Variants in COTL1 observed in about 807,000 individuals in gnomAD.
COTL1 encodes the protein coactosin-like protein.
A neutral mutation model predicts 16.5 loss-of-function variants in COTL1; 15 were observed. The observed-to-expected ratio is 0.91, with a 90% confidence interval of 0.61 to 1.40. COTL1 has a LOEUF of 1.40. Ranked by LOEUF, COTL1 falls within the 40% of genes most tolerant of loss-of-function variation. COTL1 has a pLI of 0.00. For missense variants in COTL1, 220 were observed against 201.5 expected (o/e 1.09, Z -0.56); for synonymous variants, 112 against 85.3 (o/e 1.31, Z -1.73).
At position 84,591,945 on chromosome 16, in the gene COTL1, AC is replaced by A. The variant is rs373369628; in HGVS notation, c.161-1684del. Reference sequence around the variant, plus strand: ...TGCGTGTGCATGCGGGTGCATGTGTACCCCACTAGGATAAACCAAAATTGTT... The same window carrying A: ...TGCGTGTGCATGCGGGTGCATGTGTACCCACTAGGATAAACCAAAATTGTT... On this transcript the variant is annotated intron_variant, in intron 2 of 3. Coordinates refer to ENST00000262428, the MANE Select transcript of COTL1 (RefSeq NM_021149.5). Among the ~76,000 whole-genome samples, 656 of 152,292 alleles carry A rather than the reference AC, an allele frequency of 4.3e-3. 3 individuals carry two copies. The highest frequency in any genetic ancestry group is 5.9e-3 in the Non-Finnish European group (404 of 68,008).
chr16:84,576,112 A>G (rs1013109098), intron 3 of COTL1: 2 of 152,240 alleles, frequency 1.3e-5, no homozygotes, highest in African/African-American at 4.8e-5. Flanking sequence ...AATTCCTTGG[A>G]ATAACCAAGT....
chr16:84,586,733 T>A (rs1239936604), intron 3 of COTL1, among the ~76,000 whole-genome samples: 1 of 152,076 alleles, frequency 6.6e-6, no homozygotes, highest in Non-Finnish European at 1.5e-5. Flanking sequence ...ACAGGCCACG[T>A]GCCACCATGC....
intron 2 of COTL1, among the ~76,000 whole-genome samples, chr16:84,604,867 A>C (rs542798641): frequency 6.6e-6 from 1 of 152,114 alleles, no homozygotes. Flanking sequence ...TGAACAATAC[A>C]CTCCATTTTA....
intron 3 of COTL1, among the ~76,000 whole-genome samples, chr16:84,584,522 T>A (rs1448076412): frequency 6.6e-6 from 1 of 152,104 alleles, no homozygotes; most frequent in Non-Finnish European, 1.5e-5. Context: ...AGTATGAGCT[T>A]TTTGAGGTCA....
At chr16:84,574,997 C>T (rs1457145686) in intron 3 of COTL1, among the ~76,000 whole-genome samples, 2 of 152,130 alleles carry the variant, frequency 1.3e-5, no homozygotes, top group Non-Finnish European at 2.9e-5. Flanking sequence ...TTTTAAAGTG[C>T]ATGTTCTCCT....
intron 3 of COTL1, among the ~76,000 whole-genome samples, chr16:84,587,447 T>C (rs1904759148): frequency 6.6e-6 from 1 of 152,164 alleles, no homozygotes; most frequent in South Asian, 2.1e-4. Context: ...TATTAAAATG[T>C]TGGTTGGAAC....
chr16:84,581,978 CTTTTTTTTTTTTTT>C (rs11332563), intron 3 of COTL1, among the ~76,000 whole-genome samples: 2 of 66,036 alleles, frequency 3.0e-5, no homozygotes, highest in African/African-American at 8.8e-5. Context: ...TACATTTCTT[CTTTTTTTTTTTTTT>C]TTTTTTTTTT....
chr16:84,617,947 G>A lies in COTL1; in HGVS notation c.-33C>T. The A allele has an allele frequency of 2.7e-6, 4 of 1,501,510 alleles. No individual in the cohort carries two copies. The highest frequency in any genetic ancestry group is 3.6e-6 in the Non-Finnish European group (4 of 1,122,004). 93.0% of individuals were successfully genotyped at this position (1,501,510 alleles called of 1,614,324 possible). A position where few individuals can be genotyped will look rare whatever the true frequency, so the allele number is the denominator to read the frequency against. ...GAGCCGCAGCGGGACACTGTCCGGGGCGGCCGAGCGCGCCCCTGGCCGGCG... is the reference window on the plus strand; with the variant it reads ...GAGCCGCAGCGGGACACTGTCCGGGACGGCCGAGCGCGCCCCTGGCCGGCG... On this transcript the variant is annotated 5_prime_UTR_variant, in exon 1 of 4. Coordinates refer to ENST00000262428, the MANE Select transcript of COTL1 (RefSeq NM_021149.5).
chr16:84,589,816 GTC>G (rs1450133698), intron 3 of COTL1, among the ~76,000 whole-genome samples: 4 of 151,872 alleles, frequency 2.6e-5, no homozygotes, highest in Non-Finnish European at 5.9e-5. Context: ...ACCAGTTCCC[GTC>G]TCTAGAAGCA....
chr16:84,590,213 C>T lies in COTL1; in HGVS notation c.210G>A (p.Met70Ile), dbSNP rs1166134435. The stretch of plus-strand genomic sequence containing the variant: ...TGAGGGCAAACTTGGACCTCTTGCT[C>T]ATGGCATCCCCGGTGGTGAAGCGCA... ...AFVRFTTGDA[M>I]SKRSKFALIT... Residue 70 changes from methionine to isoleucine, a missense_variant, in exon 3 of 4, where the codon ATG becomes ATA. Physicochemically the swap from Met to Ile is conservative, Grantham distance 10. Transcript: ENST00000262428. This position sits in a 1 kb window ranked among gnomAD's most constrained non-coding sequence, Gnocchi z 5.5. 1 of 1,614,088 alleles carries T rather than the reference C, an allele frequency of 6.2e-7. No homozygotes were observed. Among genetic ancestry groups the T allele is most frequent in the African/African-American group, 1.3e-5 (1 of 74,930 alleles).
intron 3 of COTL1, among the ~76,000 whole-genome samples, chr16:84,587,474 A>G (rs1352597483): frequency 1.3e-5 from 2 of 152,338 alleles, no homozygotes. Context: ...TATAAAAATA[A>G]AAATTGGAAG....
intron 2 of COTL1, chr16:84,596,718 CCA>C (rs2150690622): frequency 6.5e-6 from 1 of 152,764 alleles, no homozygotes; most frequent in Admixed American, 6.5e-5. Context: ...CCCTCTGTCT[CCA>C]CACACACACT....
chr16:84,593,940 C>T (rs1049199502), intron 2 of COTL1, among the ~76,000 whole-genome samples: 3 of 152,302 alleles, frequency 2.0e-5, no homozygotes, highest in Non-Finnish European at 2.9e-5. Context: ...CCACCCCATT[C>T]CCCCAGGCCC....
At position 84,590,375 on chromosome 16, in the gene COTL1, C is replaced by G. The variant is rs370794775; in HGVS notation, c.161-113G>C. On this transcript the variant is annotated intron_variant, in intron 2 of 3. Coordinates refer to ENST00000262428, the MANE Select transcript of COTL1 (RefSeq NM_021149.5). This position sits in a 1 kb window ranked among gnomAD's most constrained non-coding sequence, Gnocchi z 5.5. ...CGCCTGGAGCAGCACAGCAGGAGAC[C>G]GGTGCAGTTCCCTGGGAGCACCATG... The G allele has an allele frequency of 1.6e-6, 2 of 1,257,804 alleles. No homozygotes were observed. Among genetic ancestry groups the G allele is most frequent in the South Asian group, 2.9e-5 (2 of 69,960 alleles). 77.9% of individuals were successfully genotyped at this position (1,257,804 alleles called of 1,614,324 possible).
At chr16:84,609,859 G>C (rs1905285092) in intron 2 of COTL1, among the ~76,000 whole-genome samples, 1 of 152,186 alleles carries the variant, frequency 6.6e-6, no homozygotes, top group Non-Finnish European at 1.5e-5. Context: ...TAAGTTTCCT[G>C]AGGCCTCCCC....
chr16:84,595,322 G>A (rs748882861), intron 2 of COTL1: 4 of 151,988 alleles, frequency 2.6e-5, no homozygotes, highest in African/African-American at 4.9e-5. Flanking sequence ...GTCACGTTAT[G>A]CTTACAAATG....
intron 2 of COTL1, among the ~76,000 whole-genome samples, chr16:84,612,125 T>C (rs1463738604): frequency 6.6e-6 from 1 of 152,146 alleles, no homozygotes; most frequent in African/African-American, 2.4e-5. Context: ...ATCGCAGTAA[T>C]TGACATTTAT....
chr16:84,598,138 G>A (rs1905043712), intron 2 of COTL1, among the ~76,000 whole-genome samples: 1 of 152,152 alleles, frequency 6.6e-6, no homozygotes, highest in African/African-American at 2.4e-5. Context: ...TTGCACGCTG[G>A]ATGTCCCTGA....
At chr16:84,614,607 C>T (rs1400952580) in intron 2 of COTL1, among the ~76,000 whole-genome samples, 2 of 152,100 alleles carry the variant, frequency 1.3e-5, no homozygotes, top group Non-Finnish European at 2.9e-5. Flanking sequence ...AGCAGGACCC[C>T]AGGAAGGCCC....
Sources: gnomAD v4.1 joint callset for allele counts (sites outside exome capture counted in the v4.1 genomes callset) on GRCh38, gnomAD v4.1.1 for gene constraint, Gnocchi (gnomAD v3.1) non-coding constraint, MANE v1.5 for transcripts, NCBI Gene and HGNC (gene_info 2026-07-23, HGNC 2026-07-21) for gene names.